Variants in EBF3 observed in about 807,000 individuals in gnomAD.
EBF3 encodes EBF transcription factor 3.
In EBF3, 18 loss-of-function variants were observed where a neutral mutation model predicts 77.1. The ratio of observed to expected loss-of-function variants is 0.23; its 90% CI spans 0.16 to 0.35. The LOEUF is 0.35. Among genes scored for constraint, EBF3 ranks in the 10% least tolerant of loss-of-function variants. The pLI, the probability that EBF3 is intolerant of heterozygous loss-of-function variation, is 1.00. For synonymous variants in EBF3, 350 were observed against 343.5 expected (o/e 1.02, Z -0.21); for missense variants, 558 against 860.0 (o/e 0.65, Z 4.39).
intron 6 of EBF3, among the ~76,000 whole-genome samples, chr10:129,953,708 T>A (rs1385293961): frequency 6.6e-6 from 1 of 152,136 alleles, no homozygotes; most frequent in Non-Finnish European, 1.5e-5. Context: ...ACCCCTACAG[T>A]TGGCCTCCCC....
chr10:129,917,331 T>C lies in EBF3; in HGVS notation c.555-39482A>G, dbSNP rs188112866. Among the ~76,000 whole-genome samples, 31 of 151,964 alleles carry C rather than the reference T, an allele frequency of 2.0e-4. 1 individual carries two copies. Among genetic ancestry groups the C allele is most frequent in the Admixed American group, 2.0e-3 (31 of 15,280 alleles). ...TTGCAGTGAGCCAAATTCACACCAC[T>C]GCACTCCAGCCTGAGCGACAGGGCG... On this transcript the variant is annotated intron_variant, in intron 6 of 16. Transcript: ENST00000440978.
rs1207334355 is a variant in EBF3 at position 129,836,885 on chromosome 10, AAAGT to A, written c.*1054_*1057del. ...CTTAGCAACTGCAAGTGTTCATGGG[AAAGT>A]AAGTGTCAAATGAAGACCATTTTAT... On this transcript the variant is annotated 3_prime_UTR_variant, in exon 17 of 17. Coordinates refer to ENST00000440978, the MANE Select transcript of EBF3 (RefSeq NM_001375380.1). 1 of 152,704 alleles carries A rather than the reference AAAGT, an allele frequency of 6.5e-6. No homozygotes were observed. The highest frequency in any genetic ancestry group is 2.4e-5 in the African/African-American group (1 of 41,476). 9.5% of individuals were successfully genotyped at this position (152,704 alleles called of 1,614,324 possible).
Position 129,952,715 on chromosome 10 carries a change from T to C in EBF3, c.554+4543A>G, listed in dbSNP as rs1012275248. Among the ~76,000 whole-genome samples, 3 of 152,104 alleles carry C rather than the reference T, an allele frequency of 2.0e-5. No homozygotes were observed. The highest frequency in any genetic ancestry group is 2.9e-5 in the Non-Finnish European group (2 of 68,006). ...TTCTGAAAACAACCTGACAAGAAGA[T>C]GTAAAGGGCTAGGGAATAACCCGGT... On this transcript the variant is annotated intron_variant, in intron 6 of 16. Transcript: ENST00000440978. This position sits in a 1 kb window ranked among gnomAD's most constrained non-coding sequence, Gnocchi z 4.7.
At chr10:129,936,404 G>A (rs1857360694) in intron 6 of EBF3, among the ~76,000 whole-genome samples, 1 of 152,232 alleles carries the variant, frequency 6.6e-6, no homozygotes, top group Non-Finnish European at 1.5e-5. Flanking sequence ...CAGAGCACAG[G>A]AGACAGGCTG....
In EBF3 at chr10:129,875,557, G is replaced by A. The variant is rs570903485; in HGVS notation, c.637-1961C>T. On this transcript the variant is annotated intron_variant, in intron 7 of 16. Transcript: ENST00000440978. ...ATGATGCAGCAGGGGCGGTACACAC[G>A]CATCCCACCCAAATGCCCTCATCGG... 1.5e-4 allele frequency among the ~76,000 whole-genome samples: 23 copies of A among 152,296 alleles called. No individual in the cohort carries two copies. The South Asian group carries it at 3.7e-3, about 25-fold the overall frequency.
intron 6 of EBF3, among the ~76,000 whole-genome samples, chr10:129,878,661 CAAAAAAAAAAAAAA>C (rs538628576): frequency 2.0e-4 from 7 of 34,850 alleles, no homozygotes; most frequent in Non-Finnish European, 3.1e-4. Flanking sequence ...GGCTCTGTCT[CAAAAAAAAAAAAAA>C]AAAAAAAAGA....
chr10:129,919,479 A>T (rs1244019319), intron 6 of EBF3, among the ~76,000 whole-genome samples: 1 of 152,098 alleles, frequency 6.6e-6, no homozygotes, highest in African/African-American at 2.4e-5. Context: ...ACATTCTAGT[A>T]GCACAGGCCA....
intron 6 of EBF3, among the ~76,000 whole-genome samples, chr10:129,892,615 G>A (rs373875833): frequency 6.6e-6 from 1 of 152,178 alleles, no homozygotes; most frequent in Non-Finnish European, 1.5e-5. Flanking sequence ...AGAATCACAC[G>A]AGAGGGTCAT....
chr10:129,901,807 G>A (rs1854801973), intron 6 of EBF3, among the ~76,000 whole-genome samples: 1 of 152,226 alleles, frequency 6.6e-6, no homozygotes, highest in Non-Finnish European at 1.5e-5. Context: ...GAGTTGGGGT[G>A]GGCCTCGTGG....
chr10:129,881,479 C>T (rs1013642866), intron 6 of EBF3, among the ~76,000 whole-genome samples: 6 of 152,190 alleles, frequency 3.9e-5, no homozygotes, highest in South Asian at 2.1e-4. Flanking sequence ...AACTGCTACA[C>T]GCCAGGCGCG....
rs190351593 is a variant in EBF3 at position 129,954,063 on chromosome 10, A to G, written c.554+3195T>C. Reference sequence around the variant, plus strand: ...AATGATACTCCCATCCTTTTCAGCAATACCATTAAAAATCATTTGTGTGTG... The same window carrying G: ...AATGATACTCCCATCCTTTTCAGCAGTACCATTAAAAATCATTTGTGTGTG... On this transcript the variant is annotated intron_variant, in intron 6 of 16. Coordinates refer to ENST00000440978, the MANE Select transcript of EBF3 (RefSeq NM_001375380.1). Among the ~76,000 whole-genome samples, 324 of 152,320 alleles carry G rather than the reference A, an allele frequency of 2.1e-3. 1 individual carries two copies. Among genetic ancestry groups the G allele is most frequent in the African/African-American group, 7.1e-3 (295 of 41,558 alleles).
At chr10:129,953,484 A>G (rs1165132760) in intron 6 of EBF3, among the ~76,000 whole-genome samples, 4 of 152,158 alleles carry the variant, frequency 2.6e-5, no homozygotes, top group African/African-American at 9.7e-5. Flanking sequence ...TCCAGACAGG[A>G]AAGTAGGACA....
At chr10:129,914,293 C>A (rs1855723644) in intron 6 of EBF3, among the ~76,000 whole-genome samples, 7 of 152,140 alleles carry the variant, frequency 4.6e-5, no homozygotes. Flanking sequence ...GTGATTTTCC[C>A]TTGGCAGGGG....
chr10:129,908,486 C>T (rs1855295528), intron 6 of EBF3, among the ~76,000 whole-genome samples: 1 of 152,194 alleles, frequency 6.6e-6, no homozygotes, highest in South Asian at 2.1e-4. Flanking sequence ...AGGGCGAATA[C>T]AAATCTCATT....
At chr10:129,959,192 T>C (rs1352368621) in intron 4 of EBF3, among the ~76,000 whole-genome samples, 185 bp from the exon 5 acceptor site, 1 of 152,038 alleles carries the variant, frequency 6.6e-6, no homozygotes, top group East Asian at 2.0e-4. Flanking sequence ...CCGCGATGGC[T>C]TCTCCCTCCC....
chr10:129,863,959 T>C lies in EBF3; in HGVS notation c.1039+3182A>G, dbSNP rs1310416006. On this transcript the variant is annotated intron_variant, in intron 10 of 16. Transcript: ENST00000440978. This position sits in a 1 kb window ranked among gnomAD's most constrained non-coding sequence, Gnocchi z 4.0. The stretch of plus-strand genomic sequence containing the variant: ...CACCAAACACCCACTCATGGGAGCA[T>C]GTCTCGATGGAGGAAATCCCTGAAG... Among the ~76,000 whole-genome samples, 2 of 152,068 alleles carry C rather than the reference T, an allele frequency of 1.3e-5. No individual in the cohort carries two copies. Among genetic ancestry groups the C allele is most frequent in the Admixed American group, 6.6e-5 (1 of 15,264 alleles).
At chr10:129,955,473 C>T (rs949504580) in intron 6 of EBF3, among the ~76,000 whole-genome samples, 48 of 152,288 alleles carry the variant, frequency 3.2e-4, no homozygotes, top group African/African-American at 1.1e-3. Flanking sequence ...TCACACACTT[C>T]TCTTAGGTTA....
chr10:129,929,137 C>A (rs1471738988), intron 6 of EBF3, among the ~76,000 whole-genome samples: 3 of 152,184 alleles, frequency 2.0e-5, no homozygotes, highest in Non-Finnish European at 4.4e-5. Context: ...GGGAAGTAAT[C>A]TGGACATATC....
rs746589082 is a variant in EBF3, at chr10:129,962,174, T to C, written c.408A>G (p.Lys136=). 6.2e-7 allele frequency: 1 copy of C among 1,614,008 alleles called. No individual in the cohort carries two copies. Among genetic ancestry groups the C allele is most frequent in the Non-Finnish European group, 8.5e-7 (1 of 1,180,002 alleles). ...LYVRLIDSMT[K]QAIVYEGQDK... ...GCAGAGGCATAAACTTTCTCACCTGTTTGGTCATTGAATCTATGAGGCGAA... is the reference window on the plus strand; with the variant it reads ...GCAGAGGCATAAACTTTCTCACCTGCTTGGTCATTGAATCTATGAGGCGAA... Residue 136 remains lysine, a synonymous_variant, in exon 4 of 17, where the codon AAA becomes AAG. Coordinates refer to ENST00000440978, the MANE Select transcript of EBF3 (RefSeq NM_001375380.1).
Sources: gnomAD v4.1 joint callset for allele counts (sites outside exome capture counted in the v4.1 genomes callset) on GRCh38, gnomAD v4.1.1 for gene constraint, Gnocchi (gnomAD v3.1) non-coding constraint, MANE v1.5 for transcripts, NCBI Gene and HGNC (gene_info 2026-07-23, HGNC 2026-07-21) for gene names.